PIWIL4: variants seen among roughly 807,000 people sequenced by gnomAD.
PIWIL4 encodes the protein piwi like RNA-mediated gene silencing 4, also known as piwi-like protein 4.
A neutral mutation model predicts 100.9 loss-of-function variants in PIWIL4; 50 were observed. The ratio of observed to expected loss-of-function variants is 0.50; its 90% CI spans 0.39 to 0.63. The LOEUF is 0.63. PIWIL4 is among the 20% of genes least tolerant of loss of function. PIWIL4 has a pLI of 0.00. For missense variants in PIWIL4, 887 were observed against 1,043.3 expected, an observed-to-expected ratio of 0.85 and a Z score of 2.06; for synonymous variants, 342 against 367.5, an observed-to-expected ratio of 0.93 and a Z score of 0.79.
chr11:94,589,478 C>T (rs544306278), intron 8 of PIWIL4, among the ~76,000 whole-genome samples: 8 of 152,188 alleles, frequency 5.3e-5, no homozygotes, highest in Admixed American at 1.3e-4. Context: ...CTGCTCGCAA[C>T]GCTAATACAT....
Position 94,589,121 on chromosome 11 carries a change from A to T in PIWIL4, c.915A>T (p.Arg305Ser), listed in dbSNP as rs758582024. 2.3e-5 allele frequency: 37 copies of T among 1,598,596 alleles called. No homozygotes were observed. Among genetic ancestry groups the T allele is most frequent in the Non-Finnish European group, 3.1e-5 (36 of 1,167,548 alleles). Residue 305 changes from arginine (R) to serine (S), a missense_variant and splice_region_variant, in exon 8 of 20, where the codon AGA becomes AGT. Physicochemically the swap from Arg to Ser is moderately radical, Grantham distance 110. Coordinates refer to ENST00000299001, the MANE Select transcript of PIWIL4 (RefSeq NM_152431.3). Reference sequence around the variant, plus strand: ...TTTAAAGACTTTTTATATTTGGCAGATACAATAACAGAACCTACTCCATTG... The same window carrying T: ...TTTAAAGACTTTTTATATTTGGCAGTTACAATAACAGAACCTACTCCATTG... The part of the protein sequence containing the change: ...KQLIGLIVLT[R>S]YNNRTYSIDD...
At chr11:94,572,745 T>A (rs1948175518) in intron 2 of PIWIL4, among the ~76,000 whole-genome samples, 1 of 152,254 alleles carries the variant, frequency 6.6e-6, no homozygotes, top group Non-Finnish European at 1.5e-5. Context: ...TTTGTTCTTT[T>A]GGCTTAGGAT....
intron 12 of PIWIL4, 98 bp from the exon 13 acceptor site, chr11:94,603,882 CTAGT>C: frequency 1.5e-6 from 1 of 676,960 alleles, no homozygotes; most frequent in Non-Finnish European, 2.4e-6. Context: ...CCTAAAACTA[CTAGT>C]TTGTTATGAA....
At chr11:94,570,091 A>G (rs1334706539) in intron 2 of PIWIL4, among the ~76,000 whole-genome samples, 1 of 152,128 alleles carries the variant, frequency 6.6e-6, no homozygotes, top group Non-Finnish European at 1.5e-5. Flanking sequence ...TCCTGTGGTA[A>G]ACATCACCAT....
rs757874973 is a variant in PIWIL4 at position 94,621,031 on chromosome 11, G to GA, written c.*41dup. 9.1e-6 allele frequency: 13 copies of GA among 1,428,354 alleles called. No individual in the cohort carries two copies. The highest frequency in any genetic ancestry group is 1.1e-5 in the Non-Finnish European group (11 of 1,012,378). 88.5% of individuals were successfully genotyped at this position (1,428,354 alleles called of 1,614,324 possible). ...TGGCATCACTAGATGGACAATCCAA[G>GA]AAGAAATTGGTATACTTTGTGCAAA... On this transcript the variant is annotated 3_prime_UTR_variant, in exon 20 of 20. Coordinates refer to ENST00000299001, the MANE Select transcript of PIWIL4 (RefSeq NM_152431.3).
At chr11:94,599,533 C>T (rs886420987) in intron 11 of PIWIL4, among the ~76,000 whole-genome samples, 1 of 152,232 alleles carries the variant, frequency 6.6e-6, no homozygotes, top group Non-Finnish European at 1.5e-5. Flanking sequence ...AGGAGTACAG[C>T]TCTCCTCATG....
At position 94,616,473 on chromosome 11, in the gene PIWIL4, A is replaced by AT. The variant is rs200467170; in HGVS notation, c.1944-9dup. The AT allele has an allele frequency of 0.011, 12,758 of 1,182,358 alleles. 35 individuals are homozygous for AT. Among genetic ancestry groups the AT allele is most frequent in the African/African-American group, 0.042 (2,681 of 63,870 alleles). The allele number at this position is 1,182,358 out of a possible 1,614,324, so 73.2% of individuals were successfully genotyped here. A position where few individuals can be genotyped will look rare whatever the true frequency, so the allele number is the denominator to read the frequency against. ...AAAATTGAAGTTGAATTTTACTTTTATTTTTTTTTTTAACTTTAGGTGGTT... is the reference window on the plus strand; with the variant it reads ...AAAATTGAAGTTGAATTTTACTTTTATTTTTTTTTTTTAACTTTAGGTGGTT... On this transcript the variant is annotated intron_variant, in intron 15 of 19. Coordinates refer to ENST00000299001, the MANE Select transcript of PIWIL4 (RefSeq NM_152431.3).
intron 15 of PIWIL4, 121 bp downstream of exon 15, chr11:94,608,807 T>C (rs1948755404): frequency 1.2e-6 from 1 of 824,702 alleles, no homozygotes; most frequent in Admixed American, 2.2e-5. Context: ...CACCAACATT[T>C]AGGTTCATAA....
At position 94,567,590 on chromosome 11, in the gene PIWIL4, C is replaced by T; in HGVS notation, c.72C>T (p.Ile24=). 1 of 1,604,674 alleles carries T rather than the reference C, an allele frequency of 6.2e-7. No individual in the cohort carries two copies. The highest frequency in any genetic ancestry group is 8.5e-7 in the Non-Finnish European group (1 of 1,175,682). ...RSPSATEVGR[I]QASPLPRSVD... The stretch of plus-strand genomic sequence containing the variant: ...CCAGTGCCACAGAAGTGGGGCGCAT[C>T]CAAGCCTCGCCATTGGTGTGTAGAA... Residue 24 remains isoleucine (I), a synonymous_variant, in exon 1 of 20, where the codon ATC becomes ATT. Coordinates refer to ENST00000299001, the MANE Select transcript of PIWIL4 (RefSeq NM_152431.3).
At chr11:94,585,315 G>A (rs373900363) in intron 5 of PIWIL4, 130 bp from the exon 6 acceptor site, 2 of 591,784 alleles carry the variant, frequency 3.4e-6, no homozygotes, top group Non-Finnish European at 2.9e-6. Context: ...TCTAAACCTT[G>A]CAGTCCTGTG....
At chr11:94,583,919 C>T (rs923841427) in intron 5 of PIWIL4, among the ~76,000 whole-genome samples, 1 of 152,154 alleles carries the variant, frequency 6.6e-6, no homozygotes, top group African/African-American at 2.4e-5. Context: ...TTAAGTTTGG[C>T]TTAATAAACT....
chr11:94,603,416 T>C (rs912505068), intron 12 of PIWIL4, among the ~76,000 whole-genome samples: 1 of 152,208 alleles, frequency 6.6e-6, no homozygotes, highest in African/African-American at 2.4e-5. Context: ...CCTAACATAA[T>C]GTAAGCACAG....
intron 2 of PIWIL4, among the ~76,000 whole-genome samples, chr11:94,573,246 T>G (rs999384986): frequency 6.6e-6 from 1 of 152,208 alleles, no homozygotes; most frequent in Non-Finnish European, 1.5e-5. Context: ...GGAGACAATT[T>G]GACTTCCTCT....
In PIWIL4 at chr11:94,567,464, C is replaced by G; in HGVS notation, c.-55C>G. On this transcript the variant is annotated 5_prime_UTR_variant, in exon 1 of 20. Coordinates refer to ENST00000299001, the MANE Select transcript of PIWIL4 (RefSeq NM_152431.3). ...GTCGCCATCTGTAGCCAAAGCAAAA[C>G]ATATCCTAACTGAGACTTTGCAGCT... The G allele has an allele frequency of 7.0e-7, 1 of 1,429,112 alleles. No homozygotes were observed. The highest frequency in any genetic ancestry group is 9.3e-7 in the Non-Finnish European group (1 of 1,071,666). The allele number at this position is 1,429,112 out of a possible 1,614,324, so 88.5% of individuals were successfully genotyped here. A position where few individuals can be genotyped will look rare whatever the true frequency, so the allele number is the denominator to read the frequency against.
rs369618001 is a variant in PIWIL4, at chr11:94,596,605, T to C, written c.1268+1179T>C. ...GTGTTTTCATAGTTTTTTAATTTCA[T>C]GGATATACTTTACGTCATTTACCCT... On this transcript the variant is annotated intron_variant, in intron 10 of 19. Coordinates refer to ENST00000299001, the MANE Select transcript of PIWIL4 (RefSeq NM_152431.3). 1.2e-4 allele frequency among the ~76,000 whole-genome samples: 19 copies of C among 152,322 alleles called. No individual in the cohort carries two copies. In the East Asian group the frequency reaches 2.9e-3, roughly 23 times the overall value.
rs772535404 is a variant in PIWIL4 at position 94,585,555 on chromosome 11, G to A, written c.716+30G>A. The A allele has an allele frequency of 3.3e-5, 49 of 1,497,020 alleles. No homozygotes were observed. In the East Asian group the frequency reaches 4.8e-4, roughly 15 times the overall value. The allele number at this position is 1,497,020 out of a possible 1,614,324, so 92.7% of individuals were successfully genotyped here. A position where few individuals can be genotyped will look rare whatever the true frequency, so the allele number is the denominator to read the frequency against. On this transcript the variant is annotated intron_variant, in intron 6 of 19. Coordinates refer to ENST00000299001, the MANE Select transcript of PIWIL4 (RefSeq NM_152431.3). ...GTTTATTTATATTTTCTGTTACTCC[G>A]AAATTATTATAATGTGAGCAACATA... is the stretch of plus-strand genomic sequence containing the variant.
intron 15 of PIWIL4, among the ~76,000 whole-genome samples, chr11:94,613,853 C>A (rs977121087): frequency 1.3e-5 from 2 of 152,192 alleles, no homozygotes; most frequent in Admixed American, 1.3e-4. Flanking sequence ...ACCTCCGCCT[C>A]CTGGGTTCAA....
At chr11:94,567,644 C>T (rs764176726) in intron 1 of PIWIL4, 39 bp downstream of exon 1, 8 of 1,538,002 alleles carry the variant, frequency 5.2e-6, no homozygotes, top group Middle Eastern at 1.7e-4. Context: ...TCGTTTTCTC[C>T]TACCTCTGTC....
At chr11:94,587,513 T>C (rs372894983) in intron 7 of PIWIL4, among the ~76,000 whole-genome samples, 3 of 152,350 alleles carry the variant, frequency 2.0e-5, no homozygotes, top group East Asian at 1.9e-4. Flanking sequence ...GTCTGCACTT[T>C]GCATGCTTCA....
Sources: gnomAD v4.1 joint callset for allele counts (sites outside exome capture counted in the v4.1 genomes callset) on GRCh38, gnomAD v4.1.1 for gene constraint, MANE v1.5 for transcripts, NCBI Gene and HGNC (gene_info 2026-07-23, HGNC 2026-07-21) for gene names.